FRMD3: variants seen among roughly 807,000 people sequenced by gnomAD.
The protein encoded by FRMD3 is FERM domain-containing protein 3.
In FRMD3, 33 loss-of-function variants were observed where a neutral mutation model predicts 70.2. The ratio of observed to expected loss-of-function variants is 0.47; its 90% CI spans 0.36 to 0.63. The LOEUF (loss-of-function observed/expected upper bound fraction) is 0.63. Among genes scored for constraint, FRMD3 ranks in the 20% least tolerant of loss-of-function variants. The pLI is 0.00. For synonymous variants in FRMD3, 279 were observed against 255.9 expected (o/e 1.09, Z -0.86); for missense variants, 632 against 711.4 (o/e 0.89, Z 1.27).
At chr9:83,287,087 C>T (rs992316374) in intron 13 of FRMD3, among the ~76,000 whole-genome samples, 3 of 152,214 alleles carry the variant, frequency 2.0e-5, no homozygotes, top group African/African-American at 7.2e-5. Flanking sequence ...CTTGTATGCA[C>T]TGCCTCCTCT....
chr9:83,488,642 C>CAA lies in FRMD3; in HGVS notation c.147+49442_147+49443insTT, dbSNP rs555453347. Among the ~76,000 whole-genome samples, 136 of 152,284 alleles carry CAA rather than the reference C, an allele frequency of 8.9e-4. 1 individual carries two copies. The highest frequency in any genetic ancestry group is 3.3e-3 in the Admixed American group (51 of 15,300). On this transcript the variant is annotated intron_variant, in intron 1 of 13. Coordinates refer to ENST00000304195, the MANE Select transcript of FRMD3 (RefSeq NM_174938.6). The stretch of plus-strand genomic sequence containing the variant: ...ATTTCACACTCAAAATTCACTTTCT[C>CAA]CACAAAGACCTCCGTGGCTAATCAC...
At chr9:83,480,549 G>A (rs1178448265) in intron 1 of FRMD3, among the ~76,000 whole-genome samples, 1 of 148,166 alleles carries the variant, frequency 6.7e-6, no homozygotes, top group African/African-American at 2.5e-5. Context: ...AGGCTGGAGT[G>A]CAATGGCGTG....
chr9:83,295,035 A>C (rs553977890), intron 12 of FRMD3, among the ~76,000 whole-genome samples: 155 of 152,312 alleles, frequency 1.0e-3, no homozygotes, highest in Middle Eastern at 3.4e-3. Flanking sequence ...TGACTCTGCA[A>C]AAATATCTGG....
At chr9:83,381,555 G>A (rs1825356181) in intron 2 of FRMD3, among the ~76,000 whole-genome samples, 1 of 147,730 alleles carries the variant, frequency 6.8e-6, no homozygotes, top group Middle Eastern at 3.5e-3. Context: ...AAAAAAAAAA[G>A]AAAAGAAAGA....
At chr9:83,506,113 T>C (rs2131521210) in intron 1 of FRMD3, among the ~76,000 whole-genome samples, 1 of 152,340 alleles carries the variant, frequency 6.6e-6, no homozygotes, top group Non-Finnish European at 1.5e-5. Flanking sequence ...GATGAGTCGG[T>C]TGTTCTCACA....
At chr9:83,270,015 G>C (rs761544100) in intron 13 of FRMD3, among the ~76,000 whole-genome samples, 26 of 152,164 alleles carry the variant, frequency 1.7e-4, no homozygotes, top group Non-Finnish European at 2.5e-4. Context: ...CTTTCAAGAG[G>C]AACAAGAAAA....
chr9:83,269,501 G>A (rs1276242138), intron 13 of FRMD3, among the ~76,000 whole-genome samples: 1 of 152,100 alleles, frequency 6.6e-6, no homozygotes, highest in Non-Finnish European at 1.5e-5. Flanking sequence ...GAGATCAGGA[G>A]TTCAAAACAA....
intron 6 of FRMD3, among the ~76,000 whole-genome samples, chr9:83,321,334 T>C (rs1835793368): frequency 6.6e-6 from 1 of 152,204 alleles, no homozygotes; most frequent in East Asian, 1.9e-4. Context: ...AATTTCCCTC[T>C]TAGCAATGCT....
the FRMD3 span, among the ~76,000 whole-genome samples, chr9:83,570,957 A>G: frequency 6.6e-6 from 1 of 151,998 alleles, no homozygotes; most frequent in Non-Finnish European, 1.5e-5. Flanking sequence ...GTCAAAAATG[A>G]CTCTGCTATG....
chr9:83,584,450 T>C, the FRMD3 span, among the ~76,000 whole-genome samples: 1 of 152,054 alleles, frequency 6.6e-6, no homozygotes, highest in South Asian at 2.1e-4. Context: ...CCACATCCAA[T>C]CAGCCTCCTT....
intron 4 of FRMD3, among the ~76,000 whole-genome samples, chr9:83,344,839 G>GTGTGTGTGTGTGTGTGTGTGTGTT (rs1823900461): frequency 1.3e-5 from 2 of 151,604 alleles, no homozygotes; most frequent in African/African-American, 4.8e-5. Flanking sequence ...GTGTGTGTGT[G>GTGTGTGTGTGTGTGTGTGTGTGTT]TGTGTGTGTG....
chr9:83,409,635 T>G (rs928923291), intron 1 of FRMD3, among the ~76,000 whole-genome samples: 1 of 152,272 alleles, frequency 6.6e-6, no homozygotes, highest in Non-Finnish European at 1.5e-5. Context: ...GCACATATTA[T>G]GTGCCAGACA....
intron 1 of FRMD3, among the ~76,000 whole-genome samples, chr9:83,409,847 G>A (rs1453045776): frequency 6.6e-6 from 1 of 152,180 alleles, no homozygotes; most frequent in Non-Finnish European, 1.5e-5. Context: ...ACATTGGTGT[G>A]CATACTCTGA....
intron 1 of FRMD3, among the ~76,000 whole-genome samples, chr9:83,524,017 A>T (rs926112512): frequency 2.6e-5 from 4 of 152,138 alleles, no homozygotes; most frequent in African/African-American, 9.7e-5. Context: ...AGAGTTTATT[A>T]CTCTTCTGCC....
intron 1 of FRMD3, among the ~76,000 whole-genome samples, chr9:83,501,785 A>T (rs539677444): frequency 6.6e-6 from 1 of 152,256 alleles, no homozygotes; most frequent in Admixed American, 6.5e-5. Context: ...GCAGGGCTTC[A>T]TTTTCATCCC....
downstream of FRMD3, among the ~76,000 whole-genome samples, chr9:83,243,696 ACTT>A (rs1404716498): frequency 2.0e-5 from 3 of 152,146 alleles, no homozygotes; most frequent in African/African-American, 7.2e-5. Flanking sequence ...TAGAGCCTGT[ACTT>A]CTAAGGACTG....
At chr9:83,300,579 C>G (rs1834874647) in intron 10 of FRMD3, among the ~76,000 whole-genome samples, 1 of 152,166 alleles carries the variant, frequency 6.6e-6, no homozygotes, top group South Asian at 2.1e-4. Flanking sequence ...ATAAAAACTA[C>G]ACATTAGGTG....
At chr9:83,365,707 G>A (rs184952302) in intron 3 of FRMD3, among the ~76,000 whole-genome samples, 181 of 152,274 alleles carry the variant, frequency 1.2e-3, no homozygotes, top group Non-Finnish European at 2.1e-3. Flanking sequence ...GTAGTTGCAG[G>A]AAACTCTTCT....
chr9:83,444,296 C>T (rs769196882), intron 1 of FRMD3, among the ~76,000 whole-genome samples: 12 of 152,240 alleles, frequency 7.9e-5, no homozygotes, highest in Non-Finnish European at 1.5e-4. Context: ...TGACCCCGCC[C>T]TTTCCCAAAG....
Sources: allele counts gnomAD v4.1 joint callset (sites outside exome capture counted in the v4.1 genomes callset), GRCh38; gene constraint gnomAD v4.1.1; transcripts MANE v1.5; gene names NCBI Gene and HGNC (gene_info 2026-07-23, HGNC 2026-07-21).